LRP1B: variants seen among roughly 807,000 people sequenced by gnomAD.
The protein encoded by LRP1B is low-density lipoprotein receptor-related protein 1B.
A neutral mutation model predicts 556.6 loss-of-function variants in LRP1B; 217 were observed. The observed-to-expected ratio is 0.39, with a 90% CI of 0.35 to 0.44. The LOEUF (loss-of-function observed/expected upper bound fraction) is 0.44, where lower values mean the gene tolerates loss of function less well. Ranked by LOEUF, LRP1B falls within the 20% of genes least tolerant of loss-of-function variation. The pLI, the probability that LRP1B is intolerant of heterozygous loss-of-function variation, is 1.00. For missense variants in LRP1B, 5,053 were observed against 5,620.8 expected (o/e 0.90, Z 3.23); for synonymous variants, 2,047 against 1,865.8 (o/e 1.10, Z -2.50).
chr2:141,288,682 A>C (rs972617370), intron 3 of LRP1B, among the ~76,000 whole-genome samples: 1 of 152,184 alleles, frequency 6.6e-6, no homozygotes. Flanking sequence ...CTTACTTTAC[A>C]TATTTACTTA....
intron 43 of LRP1B, among the ~76,000 whole-genome samples, chr2:140,592,251 C>A (rs1289421739): frequency 1.3e-5 from 2 of 151,990 alleles, no homozygotes. Context: ...AGATCACTGG[C>A]TCTAATAGAG....
chr2:141,962,390 CTA>C (rs1309598031), intron 1 of LRP1B, among the ~76,000 whole-genome samples: 4 of 151,684 alleles, frequency 2.6e-5, no homozygotes, highest in Admixed American at 6.6e-5. Flanking sequence ...GTTAAAAAAG[CTA>C]TGTTTATTTT....
At chr2:142,093,270 C>T (rs1318242366) in intron 1 of LRP1B, among the ~76,000 whole-genome samples, 1 of 152,064 alleles carries the variant, frequency 6.6e-6, no homozygotes, top group African/African-American at 2.4e-5. Context: ...TCCTTCTCGC[C>T]TTCCCCCAAT....
chr2:140,413,512 T>A (rs746163374), intron 66 of LRP1B, among the ~76,000 whole-genome samples: 8 of 152,174 alleles, frequency 5.3e-5, no homozygotes, highest in Non-Finnish European at 1.2e-4. Context: ...GTCTGAGACA[T>A]AGCTGGAGAG....
chr2:141,389,653 C>A (rs6761577), intron 3 of LRP1B, among the ~76,000 whole-genome samples: 4,498 of 152,170 alleles, frequency 0.03, 214 homozygotes, highest in African/African-American at 0.098. Flanking sequence ...AAAATTAAAA[C>A]CCTTTGGTGC....
chr2:141,365,319 T>G (rs1688976593), intron 3 of LRP1B, among the ~76,000 whole-genome samples: 1 of 152,160 alleles, frequency 6.6e-6, no homozygotes. Flanking sequence ...CACTTCGGCC[T>G]CCCAAAGTGC....
intron 1 of LRP1B, among the ~76,000 whole-genome samples, chr2:142,021,090 A>G (rs1259461069): frequency 6.6e-6 from 1 of 152,214 alleles, no homozygotes; most frequent in Non-Finnish European, 1.5e-5. Context: ...AACTTCTGAC[A>G]ATGCAGAGAA....
intron 3 of LRP1B, among the ~76,000 whole-genome samples, chr2:141,341,963 G>A (rs891369654): frequency 2.6e-5 from 4 of 151,956 alleles, no homozygotes; most frequent in South Asian, 2.1e-4. Flanking sequence ...TAACCCAGGC[G>A]GCCGGGCGCA....
At chr2:141,880,398 T>G (rs1273676666) in intron 1 of LRP1B, among the ~76,000 whole-genome samples, 1 of 152,056 alleles carries the variant, frequency 6.6e-6, no homozygotes, top group Admixed American at 6.6e-5. Flanking sequence ...ATTATAAATA[T>G]GTGATACATA....
Position 142,130,992 on chromosome 2 carries a change from T to C in LRP1B, c.-263A>G, listed in dbSNP as rs918046177. ...GCGCGAGCGAGACGCCCGTGTGTCT[T>C]GACTTTTCAATGCAGGGTACGTCTG... On this transcript the variant is annotated 5_prime_UTR_variant, in exon 1 of 91. Transcript: ENST00000389484. 1.8e-6 allele frequency: 1 copy of C among 543,952 alleles called. No homozygotes were observed. Among genetic ancestry groups the C allele is most frequent in the Admixed American group, 3.1e-5 (1 of 32,258 alleles). The allele number at this position is 543,952 out of a possible 1,614,324, so 33.7% of individuals were successfully genotyped here. A position where few individuals can be genotyped will look rare whatever the true frequency, so the allele number is the denominator to read the frequency against.
intron 3 of LRP1B, among the ~76,000 whole-genome samples, chr2:141,423,116 C>A (rs376173663): frequency 1.3e-5 from 2 of 152,012 alleles, no homozygotes; most frequent in East Asian, 3.9e-4. Flanking sequence ...TTTTCTATTT[C>A]ATTAATTTGT....
intron 86 of LRP1B, among the ~76,000 whole-genome samples, chr2:140,252,089 A>AAAAAAAAAAAC (rs1558926907): frequency 3.0e-5 from 2 of 67,254 alleles, no homozygotes; most frequent in East Asian, 1.2e-3. Flanking sequence ...AAAAAAAAAA[A>AAAAAAAAAAAC]CCCAAAAAAC....
chr2:141,472,398 A>G (rs79927883), intron 3 of LRP1B, among the ~76,000 whole-genome samples: 1 of 151,746 alleles, frequency 6.6e-6, no homozygotes, highest in African/African-American at 2.4e-5. Context: ...AAATTAGCCA[A>G]ACGTGGTACT....
intron 41 of LRP1B, among the ~76,000 whole-genome samples, chr2:140,651,282 C>T (rs113616041): frequency 0.06 from 8,140 of 134,846 alleles, 341 homozygotes; most frequent in Middle Eastern, 0.13. Context: ...TATTCTCACT[C>T]ATAGGTGGGA....
At chr2:140,932,236 T>C (rs1695071418) in intron 20 of LRP1B, among the ~76,000 whole-genome samples, 1 of 152,142 alleles carries the variant, frequency 6.6e-6, no homozygotes. Context: ...TTTGATATTC[T>C]ATAATATATG....
intron 43 of LRP1B, among the ~76,000 whole-genome samples, chr2:140,558,819 C>G (rs149360373): frequency 4.3e-4 from 65 of 151,912 alleles, no homozygotes; most frequent in African/African-American, 1.4e-3. Context: ...GCCTGTAGTT[C>G]CAGCTACTCA....
chr2:141,646,496 G>T (rs767125200), intron 2 of LRP1B, among the ~76,000 whole-genome samples: 2 of 152,000 alleles, frequency 1.3e-5, no homozygotes, highest in Non-Finnish European at 2.9e-5. Flanking sequence ...CATGTAAAAC[G>T]ATGAGTTAAT....
chr2:140,925,994 A>G (rs1230212502), intron 20 of LRP1B, among the ~76,000 whole-genome samples: 1 of 149,808 alleles, frequency 6.7e-6, no homozygotes, highest in Non-Finnish European at 1.5e-5. Context: ...TTGTTTTCTT[A>G]TTCTAAATAA....
chr2:141,899,098 T>C (rs1699541905), intron 1 of LRP1B, among the ~76,000 whole-genome samples: 1 of 152,140 alleles, frequency 6.6e-6, no homozygotes, highest in African/African-American at 2.4e-5. Context: ...ATATTGATGC[T>C]AAGTTGAAAC....
Sources: gnomAD v4.1 joint callset for allele counts (sites outside exome capture counted in the v4.1 genomes callset) on GRCh38, gnomAD v4.1.1 for gene constraint, MANE v1.5 for transcripts, NCBI Gene and HGNC (gene_info 2026-07-23, HGNC 2026-07-21) for gene names.